Variants in SRPK2 observed in about 807,000 individuals in gnomAD.
SRPK2 encodes the protein SRSF protein kinase 2.
Under a neutral mutation model 90.8 loss-of-function variants are expected in SRPK2, and 21 were observed. The observed-to-expected ratio is 0.23, with a 90% confidence interval of 0.16 to 0.33. The LOEUF is 0.33. Among genes scored for constraint, SRPK2 ranks in the 10% least tolerant of loss-of-function variants. The pLI is 1.00. For synonymous variants in SRPK2, 288 were observed against 311.1 expected (o/e 0.93, Z 0.78); for missense variants, 620 against 869.0 (o/e 0.71, Z 3.60).
chr7:105,232,747 G>A (rs1412080285), intron 2 of SRPK2, among the ~76,000 whole-genome samples: 1 of 151,870 alleles, frequency 6.6e-6, no homozygotes, highest in Admixed American at 6.6e-5. Context: ...AGGCTCAGCG[G>A]CTCACGCCTG....
chr7:105,195,412 T>G (rs1794796445), intron 3 of SRPK2, among the ~76,000 whole-genome samples: 1 of 152,284 alleles, frequency 6.6e-6, no homozygotes, highest in Non-Finnish European at 1.5e-5. Flanking sequence ...CTACTCTGCT[T>G]TCTTTCGGTT....
chr7:105,246,874 G>A (rs555799580), intron 2 of SRPK2, among the ~76,000 whole-genome samples: 3 of 152,150 alleles, frequency 2.0e-5, no homozygotes, highest in Non-Finnish European at 4.4e-5. Context: ...TTCCACTTAA[G>A]TGACATTTCC....
chr7:105,258,108 A>C (rs1585397350), intron 2 of SRPK2, among the ~76,000 whole-genome samples: 1 of 120,058 alleles, frequency 8.3e-6, no homozygotes, highest in Admixed American at 8.2e-5. Context: ...CATCTCCAAA[A>C]ACAAAAAAAA....
intron 2 of SRPK2, among the ~76,000 whole-genome samples, chr7:105,259,699 T>C (rs1279744650): frequency 2.0e-5 from 3 of 152,054 alleles, no homozygotes; most frequent in South Asian, 2.1e-4. Context: ...TATAGACCAA[T>C]GGAACAGAAC....
At chr7:105,376,834 G>GC (rs1163578963) in intron 2 of SRPK2, among the ~76,000 whole-genome samples, 70 of 32,436 alleles carry the variant, frequency 2.2e-3, no homozygotes, top group Admixed American at 3.7e-3. Context: ...CACCACGCCC[G>GC]CCCCCCCACC....
chr7:105,346,249 A>G (rs545608503), intron 2 of SRPK2, among the ~76,000 whole-genome samples: 2 of 152,198 alleles, frequency 1.3e-5, no homozygotes, highest in Admixed American at 6.6e-5. Flanking sequence ...CCAATTTACT[A>G]ATTGGCTTCA....
chr7:105,322,924 C>CA (rs1280847944), intron 2 of SRPK2, among the ~76,000 whole-genome samples: 1 of 152,150 alleles, frequency 6.6e-6, no homozygotes, highest in East Asian at 1.9e-4. Flanking sequence ...TCCAGCCAGA[C>CA]ACGGTGGCTC....
At chr7:105,370,258 C>A (rs911223226) in intron 2 of SRPK2, among the ~76,000 whole-genome samples, 1 of 152,090 alleles carries the variant, frequency 6.6e-6, no homozygotes, top group Admixed American at 6.6e-5. Flanking sequence ...GATGTTTATT[C>A]CTAGCTTACA....
chr7:105,143,404 G>A (rs1696714417), intron 9 of SRPK2, 74 bp from the exon 10 acceptor site: 1 of 1,527,232 alleles, frequency 6.5e-7, no homozygotes. Context: ...CTAGCAGCAT[G>A]GCAAATAGCA....
chr7:105,282,163 ACCC>A (rs1412627205), intron 2 of SRPK2, among the ~76,000 whole-genome samples: 64 of 152,230 alleles, frequency 4.2e-4, no homozygotes, highest in Non-Finnish European at 7.5e-4. Flanking sequence ...CCAGAAATAA[ACCC>A]TCACATTACA....
At position 105,140,930 on chromosome 7, in the gene SRPK2, C is replaced by T. The variant is rs537856357; in HGVS notation, c.1543+1078G>A. ...GAGCCGAGATCGCGCCACTGCACTA[C>T]AGCCTGGGTGACAGAGCAAGACTCA... On this transcript the variant is annotated intron_variant, in intron 11 of 15. Transcript: ENST00000393651. Among the ~76,000 whole-genome samples the T allele has an allele frequency of 2.6e-5, 4 of 152,000 alleles. No individual in the cohort carries two copies. The East Asian group carries it at 7.7e-4, about 29-fold the overall frequency.
At chr7:105,307,163 A>G (rs540650301) in intron 2 of SRPK2, among the ~76,000 whole-genome samples, 4 of 152,240 alleles carry the variant, frequency 2.6e-5, no homozygotes, top group African/African-American at 9.6e-5. Flanking sequence ...ACTGGGTGGG[A>G]GGGGAGGTAA....
At chr7:105,141,201 T>C (rs1007148359) in intron 11 of SRPK2, among the ~76,000 whole-genome samples, 1 of 152,164 alleles carries the variant, frequency 6.6e-6, no homozygotes, top group Non-Finnish European at 1.5e-5. Context: ...TTACTCGGCG[T>C]GCAATTCCAG....
At chr7:105,264,085 A>ATAAC (rs1320952693) in intron 2 of SRPK2, among the ~76,000 whole-genome samples, 1 of 152,232 alleles carries the variant, frequency 6.6e-6, no homozygotes, top group African/African-American at 2.4e-5. Context: ...TTCTCCTCCT[A>ATAAC]TAACTGCTCT....
At chr7:105,170,836 G>GAAGAAAGGAAGAAAGGAAGAAAGA (rs1790790977) in intron 3 of SRPK2, among the ~76,000 whole-genome samples, 1 of 40,160 alleles carries the variant, frequency 2.5e-5, no homozygotes, top group African/African-American at 1.2e-4. Context: ...AGAAAGAAAG[G>GAAGAAAGGAAGAAAGGAAGAAAGA]AAGAAAGAAA....
intron 2 of SRPK2, among the ~76,000 whole-genome samples, chr7:105,229,445 CAG>C (rs1799155861): frequency 6.7e-6 from 1 of 150,180 alleles, no homozygotes; most frequent in Non-Finnish European, 1.5e-5. Flanking sequence ...GCCTGGGCGA[CAG>C]AGCAAGACTC....
intron 3 of SRPK2, among the ~76,000 whole-genome samples, chr7:105,171,517 T>A (rs557401158): frequency 3.3e-5 from 5 of 152,272 alleles, no homozygotes; most frequent in African/African-American, 1.2e-4. Context: ...AAGATGTGGA[T>A]GGCTTGTGCC....
intron 2 of SRPK2, among the ~76,000 whole-genome samples, chr7:105,335,027 C>T (rs1463309290): frequency 1.3e-5 from 2 of 151,496 alleles, no homozygotes. Flanking sequence ...AAAAATTAGC[C>T]AGGTGTGGTG....
chr7:105,370,622 T>TTC (rs1184428446), intron 2 of SRPK2, among the ~76,000 whole-genome samples: 1 of 148,996 alleles, frequency 6.7e-6, no homozygotes, highest in African/African-American at 2.5e-5. Flanking sequence ...CTTTCTTTTT[T>TTC]TTTTTTTTTT....
Sources: allele counts gnomAD v4.1 joint callset (sites outside exome capture counted in the v4.1 genomes callset), GRCh38; gene constraint gnomAD v4.1.1; transcripts MANE v1.5; gene names NCBI Gene and HGNC (gene_info 2026-07-23, HGNC 2026-07-21).